Variants in TXNDC15 observed in about 807,000 individuals in gnomAD.
The protein encoded by TXNDC15 is thioredoxin domain-containing protein 15.
Under a neutral mutation model 35.0 loss-of-function variants are expected in TXNDC15, and 24 were observed. The observed-to-expected ratio is 0.68, with a 90% CI of 0.50 to 0.96. The LOEUF is 0.96. Among genes scored for constraint, TXNDC15 ranks in the 40% least tolerant of loss-of-function variants. The probability of loss-of-function intolerance (pLI) is 0.00; values close to 1 mark genes in which losing one functional copy is unlikely to be tolerated. For missense variants in TXNDC15, 385 were observed against 453.3 expected (o/e 0.85, Z 1.37); for synonymous variants, 169 against 174.0 (o/e 0.97, Z 0.23).
At chr5:134,887,280 G>A (rs924590156) in intron 1 of TXNDC15, among the ~76,000 whole-genome samples, 1 of 152,172 alleles carries the variant, frequency 6.6e-6, no homozygotes. Context: ...CGCCTCCTAG[G>A]TTCCAGCAAT....
intron 2 of TXNDC15, 102 bp from the exon 3 acceptor site, chr5:134,893,390 C>T (rs1750425420): frequency 1.4e-6 from 2 of 1,417,960 alleles, no homozygotes; most frequent in Admixed American, 3.6e-5. Flanking sequence ...TCCTACCCAC[C>T]CGTTCCTCTC....
chr5:134,887,877 G>A lies in TXNDC15; in HGVS notation c.286G>A (p.Val96Met). 6.2e-7 allele frequency: 1 copy of A among 1,614,228 alleles called. No individual in the cohort carries two copies. The highest frequency in any genetic ancestry group is 8.5e-7 in the Non-Finnish European group (1 of 1,180,044). Residue 96 changes from valine to methionine, a missense_variant, in exon 2 of 5, where the codon GTG (valine) becomes ATG (methionine). Transcript: ENST00000358387. ...AGGCGATCACATGGTGATGCTGTCT[G>A]TGATTCCTGGGGAAGCTGAGGACAA... ...TQGDHMVMLSVIPGEAEDKVS... is the reference protein window; with the variant it reads ...TQGDHMVMLSMIPGEAEDKVS...
At position 134,899,753 on chromosome 5, in the gene TXNDC15, C is replaced by A; in HGVS notation, c.*68C>A. On this transcript the variant is annotated 3_prime_UTR_variant, in exon 5 of 5. Transcript: ENST00000358387. ...GTTTCAGAAATTAGTGCTACAGTTT[C>A]ATACATTTTCTCCAGTGACGTGTTG... 1 of 1,310,820 alleles carries A rather than the reference C, an allele frequency of 7.6e-7. No homozygotes were observed. The highest frequency in any genetic ancestry group is 1.6e-5 in the South Asian group (1 of 63,262). The allele number at this position is 1,310,820 out of a possible 1,614,324, so 81.2% of individuals were successfully genotyped here.
intron 1 of TXNDC15, among the ~76,000 whole-genome samples, 158 bp downstream of exon 1, chr5:134,874,688 C>T (rs1429991152): frequency 6.6e-6 from 1 of 152,138 alleles, no homozygotes; most frequent in Non-Finnish European, 1.5e-5. Context: ...GCGCACCGCC[C>T]GCTGGTGGCC....
At chr5:134,881,889 G>T (rs1293963655) in intron 1 of TXNDC15, among the ~76,000 whole-genome samples, 1 of 151,584 alleles carries the variant, frequency 6.6e-6, no homozygotes, top group African/African-American at 2.4e-5. Context: ...CAGTAGGGGC[G>T]GCCGGGCAGA....
intron 4 of TXNDC15, 77 bp downstream of exon 4, chr5:134,896,501 T>A: frequency 6.4e-7 from 1 of 1,563,320 alleles, no homozygotes; most frequent in Non-Finnish European, 8.7e-7. Flanking sequence ...TCTGATCTGC[T>A]ATAATCCTTA....
intron 1 of TXNDC15, among the ~76,000 whole-genome samples, chr5:134,883,918 A>G (rs1750218017): frequency 6.7e-6 from 1 of 150,096 alleles, no homozygotes; most frequent in African/African-American, 2.5e-5. Context: ...CATCTCAAAA[A>G]AAAAAAAAAA....
Position 134,896,284 on chromosome 5 carries a change from T to C in TXNDC15, c.756-10T>C. The C allele has an allele frequency of 6.2e-7, 1 of 1,604,364 alleles. No homozygotes were observed. Among genetic ancestry groups the C allele is most frequent in the Admixed American group, 1.8e-5 (1 of 57,024 alleles). On this transcript the variant is annotated splice_polypyrimidine_tract_variant and intron_variant, in intron 3 of 4. Coordinates refer to ENST00000358387, the MANE Select transcript of TXNDC15 (RefSeq NM_024715.4). ...ATAAATTCAGGTTTTTTGACTTCTTTCTCTTGTAGCCTTTCTACCAGGTTT... is the reference window on the plus strand; with the variant it reads ...ATAAATTCAGGTTTTTTGACTTCTTCCTCTTGTAGCCTTTCTACCAGGTTT...
At chr5:134,891,738 A>C (rs1010214091) in intron 2 of TXNDC15, among the ~76,000 whole-genome samples, 4 of 152,050 alleles carry the variant, frequency 2.6e-5, no homozygotes, top group Non-Finnish European at 5.9e-5. Flanking sequence ...CAGCCTGGGG[A>C]ACATGGTGAA....
intron 1 of TXNDC15, among the ~76,000 whole-genome samples, chr5:134,874,787 G>C (rs1749998635): frequency 6.6e-6 from 1 of 152,280 alleles, no homozygotes; most frequent in East Asian, 1.9e-4. Context: ...CCCGTGGCTG[G>C]TAGCCAGGAG....
chr5:134,886,156 C>T (rs1393019455), intron 1 of TXNDC15, among the ~76,000 whole-genome samples: 2 of 152,218 alleles, frequency 1.3e-5, no homozygotes, highest in African/African-American at 4.8e-5. Context: ...ATCACATGTG[C>T]TTTGTGATTA....
intron 1 of TXNDC15, among the ~76,000 whole-genome samples, chr5:134,883,654 T>C (rs1275693501): frequency 1.4e-5 from 2 of 144,320 alleles, no homozygotes. Context: ...GGCTCACACC[T>C]GTAATCCCAG....
At chr5:134,875,277 TG>T in intron 1 of TXNDC15, 1 of 456,262 alleles carries the variant, frequency 2.2e-6, no homozygotes, top group East Asian at 6.9e-5. Context: ...CTCATAGTCC[TG>T]TTAAAGTCCA....
chr5:134,874,580 C>G, intron 1 of TXNDC15, 50 bp downstream of exon 1: 1 of 1,470,314 alleles, frequency 6.8e-7, no homozygotes, highest in Non-Finnish European at 9.2e-7. Flanking sequence ...GAGCTGAGGT[C>G]CACCCGGGCG....
chr5:134,888,062 C>T lies in TXNDC15; in HGVS notation c.471C>T (p.Asp157=), dbSNP rs1481373263. The T allele has an allele frequency of 5.0e-6, 8 of 1,614,170 alleles. No homozygotes were observed. The East Asian group carries it at 6.7e-5, about 13-fold the overall frequency. The change falls in exon 2 of 5, where the codon GAC becomes GAT. Residue 157 remains aspartate (D), a synonymous_variant. Coordinates refer to ENST00000358387, the MANE Select transcript of TXNDC15 (RefSeq NM_024715.4). ...YYTEPEVAES[D]AAPTEDSNNT... ...CAGAGCCAGAAGTGGCGGAATCTGA[C>T]GCAGCCCCGACAGAGGACTCCAATA...
At chr5:134,882,730 C>T (rs969312882) in intron 1 of TXNDC15, among the ~76,000 whole-genome samples, 2 of 152,052 alleles carry the variant, frequency 1.3e-5, no homozygotes, top group Admixed American at 1.3e-4. Context: ...ATCGCAGGCA[C>T]TCGGCAGGCT....
At chr5:134,877,699 C>A (rs566286061) in intron 1 of TXNDC15, among the ~76,000 whole-genome samples, 15 of 152,108 alleles carry the variant, frequency 9.9e-5, no homozygotes, top group African/African-American at 3.6e-4. Flanking sequence ...CCTCCACCTC[C>A]TGGGTTCAAA....
chr5:134,896,133 G>C, intron 3 of TXNDC15, 161 bp from the exon 4 acceptor site: 3 of 724,358 alleles, frequency 4.1e-6, no homozygotes, highest in Non-Finnish European at 6.4e-6. Flanking sequence ...TAAGCAAAGA[G>C]GTCAGAAACA....
At chr5:134,888,775 C>G (rs955703559) in intron 2 of TXNDC15, among the ~76,000 whole-genome samples, 4 of 152,172 alleles carry the variant, frequency 2.6e-5, no homozygotes, top group African/African-American at 9.7e-5. Flanking sequence ...AGCCACCGTG[C>G]CCGGCCATTT....
Sources: gnomAD v4.1 joint callset for allele counts (sites outside exome capture counted in the v4.1 genomes callset) on GRCh38, gnomAD v4.1.1 for gene constraint, MANE v1.5 for transcripts, NCBI Gene and HGNC (gene_info 2026-07-23, HGNC 2026-07-21) for gene names.